Variants in NCAM2 observed in about 807,000 individuals in gnomAD.
NCAM2 encodes neural cell adhesion molecule 2, also known as N-CAM-2.
A neutral mutation model predicts 98.1 loss-of-function variants in NCAM2; 30 were observed. The ratio of observed to expected loss-of-function variants is 0.31; its 90% CI spans 0.23 to 0.41. The LOEUF is 0.41. Ranked by LOEUF, NCAM2 falls within the 10% of genes least tolerant of loss-of-function variation. The pLI is 1.00. For missense variants in NCAM2, 867 were observed against 1,005.8 expected, an observed-to-expected ratio of 0.86 and a Z score of 1.87; for synonymous variants, 368 against 342.4, an observed-to-expected ratio of 1.07 and a Z score of -0.83.
At chr21:21,417,373 T>A (rs1013163323) in intron 10 of NCAM2, among the ~76,000 whole-genome samples, 2 of 152,058 alleles carry the variant, frequency 1.3e-5, no homozygotes, top group Admixed American at 6.6e-5. Flanking sequence ...ATTCCTATGA[T>A]CTGTTTCTAG....
intron 9 of NCAM2, among the ~76,000 whole-genome samples, chr21:21,391,934 A>T (rs71321790): frequency 0.056 from 8,563 of 152,196 alleles, 354 homozygotes; most frequent in Non-Finnish European, 0.086. Context: ...CCAAAAAAAA[A>T]TTCTTATTTT....
intron 1 of NCAM2, among the ~76,000 whole-genome samples, chr21:21,277,127 T>G (rs1321516414): frequency 6.6e-6 from 1 of 152,108 alleles, no homozygotes; most frequent in East Asian, 1.9e-4. Context: ...CACACATTTC[T>G]TAGATTCCTG....
At chr21:21,113,432 T>C (rs1418789609) in intron 1 of NCAM2, among the ~76,000 whole-genome samples, 2 of 152,042 alleles carry the variant, frequency 1.3e-5, no homozygotes, top group Non-Finnish European at 2.9e-5. Flanking sequence ...TTGGACAAAA[T>C]TGTAACTGCA....
intron 15 of NCAM2, among the ~76,000 whole-genome samples, chr21:21,482,743 T>A (rs1986000836): frequency 1.3e-5 from 2 of 148,966 alleles, no homozygotes; most frequent in South Asian, 4.2e-4. Context: ...TAGTTTATAA[T>A]TATTAAAAAA....
intron 6 of NCAM2, among the ~76,000 whole-genome samples, chr21:21,333,673 G>A (rs1334554627): frequency 6.6e-6 from 1 of 152,082 alleles, no homozygotes; most frequent in Non-Finnish European, 1.5e-5. Flanking sequence ...TACACATACT[G>A]TAGTTCTCTG....
intron 16 of NCAM2, among the ~76,000 whole-genome samples, chr21:21,519,367 T>A (rs1988886999): frequency 6.6e-6 from 1 of 152,034 alleles, no homozygotes; most frequent in Non-Finnish European, 1.5e-5. Context: ...AAGTTGGGGT[T>A]TTTTGGCCCA....
chr21:21,505,227 A>T (rs190492181), intron 15 of NCAM2, among the ~76,000 whole-genome samples: 158 of 152,116 alleles, frequency 1.0e-3, no homozygotes, highest in African/African-American at 3.6e-3. Context: ...CTATATGGTT[A>T]AAAAAGAGTA....
At chr21:21,033,248 C>A (rs531499401) in intron 1 of NCAM2, among the ~76,000 whole-genome samples, 10 of 152,096 alleles carry the variant, frequency 6.6e-5, no homozygotes. Context: ...TGCACCTGGC[C>A]GGTTTCTTGG....
intron 9 of NCAM2, among the ~76,000 whole-genome samples, chr21:21,393,021 A>G (rs1225802189): frequency 1.3e-5 from 2 of 151,962 alleles, no homozygotes; most frequent in African/African-American, 2.4e-5. Flanking sequence ...ATCTTTGCCC[A>G]TGTCTATGTC....
chr21:21,154,461 G>A (rs2067547790), intron 1 of NCAM2, among the ~76,000 whole-genome samples: 1 of 151,504 alleles, frequency 6.6e-6, no homozygotes, highest in Non-Finnish European at 1.5e-5. Flanking sequence ...TTAGAAAAGA[G>A]TTTTATATTA....
At chr21:21,169,477 G>C (rs1349812889) in intron 1 of NCAM2, among the ~76,000 whole-genome samples, 1 of 152,178 alleles carries the variant, frequency 6.6e-6, no homozygotes, top group Non-Finnish European at 1.5e-5. Flanking sequence ...TCTCTTGAAA[G>C]ACCCTGTCAG....
At chr21:21,406,076 T>C (rs1048658908) in intron 9 of NCAM2, among the ~76,000 whole-genome samples, 4 of 152,142 alleles carry the variant, frequency 2.6e-5, no homozygotes, top group Admixed American at 2.0e-4. Flanking sequence ...TTCTTGGGGT[T>C]ACCCTCATTC....
At chr21:21,213,358 TCA>T (rs1236013895) in intron 1 of NCAM2, among the ~76,000 whole-genome samples, 1 of 152,126 alleles carries the variant, frequency 6.6e-6, no homozygotes, top group African/African-American at 2.4e-5. Context: ...AGAGCTAAAG[TCA>T]CAGTTTTAGA....
At chr21:21,406,039 G>A (rs1569026998) in intron 9 of NCAM2, among the ~76,000 whole-genome samples, 1 of 152,052 alleles carries the variant, frequency 6.6e-6, no homozygotes, top group Non-Finnish European at 1.5e-5. Flanking sequence ...CTTTAAGAAA[G>A]GGAATCAAGC....
chr21:21,103,084 C>T (rs892491710), intron 1 of NCAM2, among the ~76,000 whole-genome samples: 3 of 151,978 alleles, frequency 2.0e-5, no homozygotes, highest in Non-Finnish European at 4.4e-5. Flanking sequence ...GAAAGTGACG[C>T]TAGCTTACAG....
intron 1 of NCAM2, among the ~76,000 whole-genome samples, chr21:21,157,763 T>A (rs938474746): frequency 6.6e-6 from 1 of 152,090 alleles, no homozygotes; most frequent in African/African-American, 2.4e-5. Context: ...CCATGACAGG[T>A]GAAGTTTAAA....
intron 1 of NCAM2, among the ~76,000 whole-genome samples, chr21:21,015,717 T>A (rs1255908217): frequency 6.6e-6 from 1 of 152,178 alleles, no homozygotes; most frequent in African/African-American, 2.4e-5. Flanking sequence ...TTTTGGTTTT[T>A]TTTGAGACAA....
At chr21:21,102,614 T>G (rs1449224507) in intron 1 of NCAM2, among the ~76,000 whole-genome samples, 1 of 151,792 alleles carries the variant, frequency 6.6e-6, no homozygotes, top group East Asian at 1.9e-4. Flanking sequence ...AGCTCTGTGA[T>G]AAGTTTTGAG....
chr21:21,286,516 CA>C, intron 4 of NCAM2, 104 bp downstream of exon 4: 1 of 1,240,502 alleles, frequency 8.1e-7, no homozygotes, highest in South Asian at 1.6e-5. Flanking sequence ...TTTTTGACCC[CA>C]AATATTCAAC....
Sources: allele counts gnomAD v4.1 joint callset (sites outside exome capture counted in the v4.1 genomes callset), GRCh38; gene constraint gnomAD v4.1.1; transcripts MANE v1.5; gene names NCBI Gene and HGNC (gene_info 2026-07-23, HGNC 2026-07-21).